FUT8: variants seen among roughly 807,000 people sequenced by gnomAD.
FUT8 encodes alpha-(1,6)-fucosyltransferase.
A neutral mutation model predicts 71.3 loss-of-function variants in FUT8; 29 were observed. The observed-to-expected ratio is 0.41, with a 90% CI of 0.30 to 0.55. FUT8 has a LOEUF of 0.55. FUT8 is among the 20% of genes least tolerant of loss of function. The probability of loss-of-function intolerance (pLI) is 0.34; values close to 1 mark genes in which losing one functional copy is unlikely to be tolerated. For synonymous variants in FUT8, 254 were observed against 239.3 expected, an observed-to-expected ratio of 1.06 and a Z score of -0.57; for missense variants, 544 against 702.1, an observed-to-expected ratio of 0.77 and a Z score of 2.55.
At chr14:65,463,040 C>T (rs968835624) in intron 2 of FUT8, among the ~76,000 whole-genome samples, 2 of 152,102 alleles carry the variant, frequency 1.3e-5, no homozygotes, top group Non-Finnish European at 1.5e-5. Flanking sequence ...CAGAGACTCT[C>T]ACTACATGTT....
At chr14:65,396,272 A>G in the FUT8 span, among the ~76,000 whole-genome samples, 4 of 152,088 alleles carry the variant, frequency 2.6e-5, no homozygotes, top group African/African-American at 9.7e-5. This position sits in a 1 kb window ranked among gnomAD's most constrained non-coding sequence, Gnocchi z 5.5. Flanking sequence ...TTATAGCCGC[A>G]CCCCACTCTT....
the FUT8 span, among the ~76,000 whole-genome samples, chr14:65,381,177 C>T: frequency 6.6e-6 from 1 of 152,212 alleles, no homozygotes; most frequent in East Asian, 1.9e-4. Flanking sequence ...TTTTTGAAGC[C>T]CCATCTCCCT....
chr14:65,523,974 A>T (rs1883266269), intron 2 of FUT8, among the ~76,000 whole-genome samples: 1 of 152,182 alleles, frequency 6.6e-6, no homozygotes, highest in Non-Finnish European at 1.5e-5. Context: ...TGGTTACTGT[A>T]GCCTTGTAGT....
intron 1 of FUT8, among the ~76,000 whole-genome samples, chr14:65,423,609 C>G (rs908232657): frequency 6.6e-6 from 1 of 152,168 alleles, no homozygotes; most frequent in African/African-American, 2.4e-5. Flanking sequence ...TCTGCTGCCT[C>G]TTGGTTGGCA....
chr14:65,450,487 T>A (rs1029842771), intron 1 of FUT8, among the ~76,000 whole-genome samples: 3 of 152,242 alleles, frequency 2.0e-5, no homozygotes, highest in Admixed American at 2.0e-4. Context: ...AACGTTCGAC[T>A]GAATTCTAGT....
At chr14:65,514,871 C>T (rs935261892) in intron 2 of FUT8, among the ~76,000 whole-genome samples, 2 of 152,110 alleles carry the variant, frequency 1.3e-5, no homozygotes, top group Non-Finnish European at 2.9e-5. Context: ...ATAATGCCTA[C>T]CTTACAAATT....
At chr14:65,620,887 CA>C (rs1257353110) in intron 5 of FUT8, among the ~76,000 whole-genome samples, 1 of 152,188 alleles carries the variant, frequency 6.6e-6, no homozygotes, top group Non-Finnish European at 1.5e-5. Flanking sequence ...TATTCATGTG[CA>C]AAGGGATACA....
At chr14:65,605,227 C>G (rs1888519055) in intron 3 of FUT8, among the ~76,000 whole-genome samples, 1 of 151,894 alleles carries the variant, frequency 6.6e-6, no homozygotes, top group African/African-American at 2.4e-5. Context: ...TGTGCATTTT[C>G]AACTTTGGAG....
At chr14:65,634,307 CG>C (rs1187461863) in intron 6 of FUT8, among the ~76,000 whole-genome samples, 3 of 152,032 alleles carry the variant, frequency 2.0e-5, no homozygotes, top group Admixed American at 6.5e-5. Flanking sequence ...GTCCACTCAG[CG>C]TTAAATGGAT....
rs576333247 is a variant in FUT8, at chr14:65,489,036, A to G, written c.-228+33318A>G. ...ATTAGTTACATGAGGCTCTCATGGT[A>G]AATGTGTCAGATATAGTCAATATTT... On this transcript the variant is annotated intron_variant, in intron 2 of 10. Transcript: ENST00000673929. This position sits in a 1 kb window ranked among gnomAD's most constrained non-coding sequence, Gnocchi z 4.0. 3.7e-4 allele frequency among the ~76,000 whole-genome samples: 56 copies of G among 152,336 alleles called. No individual in the cohort carries two copies. The highest frequency in any genetic ancestry group is 1.1e-3 in the African/African-American group (47 of 41,570).
rs527694183 is a variant in FUT8 at position 65,696,889 on chromosome 14, T to A, written c.836-24886T>A. 3.9e-5 allele frequency among the ~76,000 whole-genome samples: 6 copies of A among 152,312 alleles called. No individual in the cohort carries two copies. The South Asian group carries it at 1.0e-3, about 26-fold the overall frequency. On this transcript the variant is annotated intron_variant, in intron 7 of 10. Transcript: ENST00000673929. ...TATGGTGTTTTTTTATTTTTAGCAT[T>A]TAAAAAAAATTTTTTTTCCTTGGAG...
At chr14:65,595,381 G>A (rs745884380) in intron 3 of FUT8, among the ~76,000 whole-genome samples, 4 of 151,962 alleles carry the variant, frequency 2.6e-5, no homozygotes, top group Non-Finnish European at 5.9e-5. Flanking sequence ...CTTATTTGAG[G>A]TGAAATTATA....
intron 6 of FUT8, among the ~76,000 whole-genome samples, chr14:65,663,990 C>T (rs762887614): frequency 5.9e-5 from 9 of 151,978 alleles, no homozygotes; most frequent in Admixed American, 3.3e-4. Flanking sequence ...AGAAGACTAA[C>T]ATAAGATGTA....
chr14:65,640,433 T>G (rs576319418), intron 6 of FUT8, among the ~76,000 whole-genome samples: 3 of 152,206 alleles, frequency 2.0e-5, no homozygotes, highest in South Asian at 4.1e-4. Flanking sequence ...AAATACATAA[T>G]ATTTTTGGAA....
At chr14:65,601,316 G>GAATAAT (rs1403307424) in intron 3 of FUT8, among the ~76,000 whole-genome samples, 1 of 152,098 alleles carries the variant, frequency 6.6e-6, no homozygotes, top group African/African-American at 2.4e-5. Context: ...TATAAAGCTT[G>GAATAAT]ACATTTGAAT....
chr14:65,593,743 A>G (rs552289960), intron 3 of FUT8, among the ~76,000 whole-genome samples: 1 of 152,208 alleles, frequency 6.6e-6, no homozygotes, highest in South Asian at 2.1e-4. Flanking sequence ...CACCCAGCTA[A>G]TTTTGTATTT....
chr14:65,566,284 G>C (rs1467621502), intron 3 of FUT8, among the ~76,000 whole-genome samples: 2 of 152,084 alleles, frequency 1.3e-5, no homozygotes, highest in African/African-American at 4.8e-5. Context: ...AAGTAACACA[G>C]TGTCAATTCT....
At chr14:65,624,423 T>C (rs1413793509) in intron 5 of FUT8, among the ~76,000 whole-genome samples, 3 of 152,174 alleles carry the variant, frequency 2.0e-5, no homozygotes, top group African/African-American at 7.2e-5. Context: ...TGACATAAAC[T>C]AATTTATTAA....
chr14:65,385,899 C>T, the FUT8 span, among the ~76,000 whole-genome samples: 1 of 152,026 alleles, frequency 6.6e-6, no homozygotes, highest in Admixed American at 6.5e-5. Context: ...TGCCTGTAAT[C>T]CCAGCACTTT....
Sources: allele counts gnomAD v4.1 joint callset (sites outside exome capture counted in the v4.1 genomes callset), GRCh38; gene constraint gnomAD v4.1.1; non-coding constraint Gnocchi (gnomAD v3.1); transcripts MANE v1.5; gene names NCBI Gene and HGNC (gene_info 2026-07-23, HGNC 2026-07-21).